KCNH7: variants seen among roughly 807,000 people sequenced by gnomAD.
KCNH7 encodes voltage-gated inwardly rectifying potassium channel KCNH7.
KCNH7 carries 49 observed loss-of-function variants against 120.8 expected under a neutral mutation model. The ratio of observed to expected loss-of-function variants is 0.41; its 90% CI spans 0.32 to 0.51. The LOEUF (loss-of-function observed/expected upper bound fraction) is 0.51. Ranked by LOEUF, KCNH7 falls within the 20% of genes least tolerant of loss-of-function variation. KCNH7 has a pLI of 0.38. For synonymous variants in KCNH7, 547 were observed against 516.1 expected, an observed-to-expected ratio of 1.06 and a Z score of -0.81; for missense variants, 1,097 against 1,446.6, an observed-to-expected ratio of 0.76 and a Z score of 3.92.
At chr2:162,468,605 C>A (rs540353689) in intron 6 of KCNH7, among the ~76,000 whole-genome samples, 1 of 147,788 alleles carries the variant, frequency 6.8e-6, no homozygotes, top group Admixed American at 6.8e-5. Flanking sequence ...ACTGCAACCT[C>A]CGCCTCCCAG....
At chr2:162,706,192 C>T (rs963203044) in intron 2 of KCNH7, among the ~76,000 whole-genome samples, 2 of 152,078 alleles carry the variant, frequency 1.3e-5, no homozygotes, top group African/African-American at 4.8e-5. Flanking sequence ...CCTAGTAAAC[C>T]TTGGAGACTT....
intron 14 of KCNH7, among the ~76,000 whole-genome samples, chr2:162,374,537 A>G (rs1351443377): frequency 1.3e-5 from 2 of 152,266 alleles, no homozygotes; most frequent in Admixed American, 1.3e-4. Flanking sequence ...CTCTTCACTT[A>G]TTTGCGCTGA....
chr2:162,636,064 A>G (rs1683947476), intron 2 of KCNH7, among the ~76,000 whole-genome samples: 1 of 152,060 alleles, frequency 6.6e-6, no homozygotes, highest in South Asian at 2.1e-4. Flanking sequence ...GGTTTCAGGT[A>G]TTTTAGTATC....
intron 2 of KCNH7, among the ~76,000 whole-genome samples, chr2:162,570,937 T>C (rs1693449977): frequency 6.6e-6 from 1 of 152,090 alleles, no homozygotes; most frequent in Non-Finnish European, 1.5e-5. Context: ...ACAGCCAATA[T>C]CATACTGAAT....
At chr2:162,401,436 A>ATGCAATT (rs1687061682) in intron 9 of KCNH7, among the ~76,000 whole-genome samples, 1 of 151,914 alleles carries the variant, frequency 6.6e-6, no homozygotes, top group African/African-American at 2.4e-5. Context: ...CAGTGCAATG[A>ATGCAATT]TGCAATTTGG....
chr2:162,682,203 A>T (rs1341351559), intron 2 of KCNH7, among the ~76,000 whole-genome samples: 1 of 151,686 alleles, frequency 6.6e-6, no homozygotes, highest in Non-Finnish European at 1.5e-5. Flanking sequence ...TCATCCATTC[A>T]TTGAAAAAAA....
chr2:162,688,621 G>A (rs964695655), intron 2 of KCNH7, among the ~76,000 whole-genome samples: 1 of 152,030 alleles, frequency 6.6e-6, no homozygotes, highest in South Asian at 2.1e-4. Context: ...TCAAGCCACT[G>A]AATGACTCCT....
intron 11 of KCNH7, among the ~76,000 whole-genome samples, chr2:162,395,658 A>G (rs188330909): frequency 3.3e-5 from 5 of 151,938 alleles, no homozygotes; most frequent in Admixed American, 3.3e-4. Flanking sequence ...TTACAAAAAC[A>G]TATGTTCTTA....
intron 2 of KCNH7, among the ~76,000 whole-genome samples, chr2:162,728,675 G>A (rs1687614703): frequency 6.6e-6 from 1 of 152,160 alleles, no homozygotes; most frequent in South Asian, 2.1e-4. Flanking sequence ...CTACTTGCAA[G>A]GCTGAGGCAG....
chr2:162,648,581 T>C (rs1294288438), intron 2 of KCNH7, among the ~76,000 whole-genome samples: 3 of 152,172 alleles, frequency 2.0e-5, no homozygotes, highest in Non-Finnish European at 4.4e-5. Context: ...TGAATACACA[T>C]CTCTGTGCTT....
Position 162,372,050 on chromosome 2 carries a change from C to A in KCNH7, c.3370G>T (p.Glu1124Ter). 1 of 1,613,142 alleles carries A rather than the reference C, an allele frequency of 6.2e-7. No homozygotes were observed. The highest frequency in any genetic ancestry group is 8.5e-7 in the Non-Finnish European group (1 of 1,179,388). The change falls in exon 16 of 16, where the codon GAA becomes TAA. Residue 1124 changes from glutamate to a stop codon, truncating the protein, a stop_gained. Transcript: ENST00000332142. LOFTEE classifies it high-confidence loss of function. The stretch of plus-strand genomic sequence containing the variant: ...AGATGCACCCCACTTGAAAGGGATT[C>A]TTTGGATTTAAGTTTAGATTTTTCA... ...DLEKSKLKSKESLSSGVHLNT... is the reference protein window; with the variant it reads ...DLEKSKLKSK
chr2:162,446,851 A>G (rs1387669547), intron 6 of KCNH7, among the ~76,000 whole-genome samples: 1 of 152,108 alleles, frequency 6.6e-6, no homozygotes, highest in Non-Finnish European at 1.5e-5. Context: ...TATGAATAGA[A>G]GCAGTCTACT....
chr2:162,752,992 A>G (rs1688646648), intron 2 of KCNH7, among the ~76,000 whole-genome samples: 1 of 137,382 alleles, frequency 7.3e-6, no homozygotes, highest in Non-Finnish European at 1.5e-5. Context: ...AGAAAAGAAA[A>G]GAAAAGAAAA....
intron 14 of KCNH7, among the ~76,000 whole-genome samples, chr2:162,377,798 A>G (rs1412044418): frequency 2.0e-5 from 3 of 152,222 alleles, no homozygotes; most frequent in Non-Finnish European, 4.4e-5. Flanking sequence ...TTCAGGAAAC[A>G]CATACCGATA....
chr2:162,797,141 T>A (rs2105532860), intron 2 of KCNH7: 1 of 152,186 alleles, frequency 6.6e-6, no homozygotes, highest in East Asian at 1.9e-4. Flanking sequence ...ACAACCCCTG[T>A]CTCTCGTGTC....
chr2:162,633,335 A>G (rs1479617252), intron 2 of KCNH7, among the ~76,000 whole-genome samples: 3 of 151,964 alleles, frequency 2.0e-5, no homozygotes, highest in Admixed American at 2.0e-4. Flanking sequence ...CACCATTTAA[A>G]CCAAGGTAAA....
chr2:162,441,677 T>C (rs1688418916), intron 7 of KCNH7, among the ~76,000 whole-genome samples: 1 of 152,024 alleles, frequency 6.6e-6, no homozygotes, highest in Non-Finnish European at 1.5e-5. Flanking sequence ...TACCGGAAAA[T>C]ATGAGGCGGA....
chr2:162,530,663 A>G (rs1691891283), intron 3 of KCNH7, among the ~76,000 whole-genome samples: 1 of 152,058 alleles, frequency 6.6e-6, no homozygotes, highest in Non-Finnish European at 1.5e-5. Flanking sequence ...AAGCAATAAT[A>G]TCACAATTTT....
chr2:162,552,598 T>C (rs1692708053), intron 2 of KCNH7, among the ~76,000 whole-genome samples: 1 of 152,212 alleles, frequency 6.6e-6, no homozygotes, highest in Non-Finnish European at 1.5e-5. Context: ...CTCAGTTTAC[T>C]TTAAGAAAGG....
Sources: gnomAD v4.1 joint callset for allele counts (sites outside exome capture counted in the v4.1 genomes callset) on GRCh38, gnomAD v4.1.1 for gene constraint, MANE v1.5 for transcripts, NCBI Gene and HGNC (gene_info 2026-07-23, HGNC 2026-07-21) for gene names.